Variants in PAQR7 observed in about 807,000 individuals in gnomAD.
The protein encoded by PAQR7 is membrane progestin receptor alpha.
In PAQR7, 14 loss-of-function variants were observed where a neutral mutation model predicts 24.6. The ratio of observed to expected loss-of-function variants is 0.57; its 90% confidence interval spans 0.38 to 0.89. The LOEUF (loss-of-function observed/expected upper bound fraction) is 0.89. Among genes scored for constraint, PAQR7 ranks in the 40% least tolerant of loss-of-function variants. PAQR7 has a pLI of 0.00. For synonymous variants in PAQR7, 189 were observed against 198.8 expected, an observed-to-expected ratio of 0.95 and a Z score of 0.42; for missense variants, 351 against 444.0, an observed-to-expected ratio of 0.79 and a Z score of 1.88.
At chr1:25,865,939 T>C (rs1433638652) in intron 2 of PAQR7, among the ~76,000 whole-genome samples, 2 of 148,656 alleles carry the variant, frequency 1.3e-5, no homozygotes, top group Non-Finnish European at 3.0e-5. Context: ...TGAGCCGAGA[T>C]CGCACCATTG....
chr1:25,868,159 A>G (rs1269906049), intron 2 of PAQR7, among the ~76,000 whole-genome samples: 1 of 152,224 alleles, frequency 6.6e-6, no homozygotes, highest in Non-Finnish European at 1.5e-5. Flanking sequence ...GGGGACCAGA[A>G]AAGACCTCTG....
intron 2 of PAQR7, among the ~76,000 whole-genome samples, chr1:25,864,352 C>T (rs1210012845): frequency 1.3e-5 from 2 of 152,076 alleles, no homozygotes; most frequent in African/African-American, 4.8e-5. Flanking sequence ...TGGCCAGGGT[C>T]CCCTACTGAC....
At position 25,863,774 on chromosome 1, in the gene PAQR7, C is replaced by T. The variant is rs758760017; in HGVS notation, c.66G>A (p.Gln22=). ...PSLRQVIQEP[Q]LSLQPEPVFT... ...AGACAGGCTCTGGCTGCAGAGATAG[C>T]TGAGGCTCCTGGATGACCTGCCGCA... Residue 22 remains glutamine, a synonymous_variant, in exon 3 of 3, where the codon CAG becomes CAA. Coordinates refer to ENST00000675840, the MANE Select transcript of PAQR7 (RefSeq NM_178422.6). The surrounding 1 kb of genome is among the most constrained non-coding windows in gnomAD (Gnocchi z 6.1). 7 of 1,613,594 alleles carry T rather than the reference C, an allele frequency of 4.3e-6. No individual in the cohort carries two copies. The South Asian group carries it at 5.5e-5, about 13-fold the overall frequency.
chr1:25,864,595 C>G (rs2048541539), intron 2 of PAQR7, among the ~76,000 whole-genome samples: 1 of 152,226 alleles, frequency 6.6e-6, no homozygotes, highest in South Asian at 2.1e-4. Flanking sequence ...TGCGGCCTCA[C>G]TCCTGTAATC....
At chr1:25,870,308 G>T (rs1013166109) in intron 2 of PAQR7, among the ~76,000 whole-genome samples, 1 of 152,188 alleles carries the variant, frequency 6.6e-6, no homozygotes, top group Non-Finnish European at 1.5e-5. Context: ...AAGCCTGGGG[G>T]CTGGTGACCT....
chr1:25,867,763 C>T (rs1235026456), intron 2 of PAQR7, among the ~76,000 whole-genome samples: 3 of 152,248 alleles, frequency 2.0e-5, no homozygotes, highest in African/African-American at 7.2e-5. Context: ...CCCACAAGCC[C>T]ACATCTCCAG....
In PAQR7 at chr1:25,862,340, A is replaced by T. The variant is rs1285243423; in HGVS notation, c.*459T>A. The T allele has an allele frequency of 5.9e-6, 1 of 170,844 alleles. No individual in the cohort carries two copies. Among genetic ancestry groups the T allele is most frequent in the African/African-American group, 2.4e-5 (1 of 41,638 alleles). The allele number at this position is 170,844 out of a possible 1,614,324, so 10.6% of individuals were successfully genotyped here. A position where few individuals can be genotyped will look rare whatever the true frequency, so the allele number is the denominator to read the frequency against. On this transcript the variant is annotated 3_prime_UTR_variant, in exon 3 of 3. Coordinates refer to ENST00000675840, the MANE Select transcript of PAQR7 (RefSeq NM_178422.6). ...TGGCTGGGCTTCAAGGGACAGTAAG[A>T]TCCTGTATATATTTTGGGCCTACCC...
At position 25,875,708 on chromosome 1, in the gene PAQR7, C is replaced by T. The variant is rs1252151384; in HGVS notation, c.-329G>A. Among the ~76,000 whole-genome samples, 1 of 152,046 alleles carries T rather than the reference C, an allele frequency of 6.6e-6. No homozygotes were observed. Among genetic ancestry groups the T allele is most frequent in the Non-Finnish European group, 1.5e-5 (1 of 67,976 alleles). Reference sequence around the variant, plus strand: ...CCCCGCCAGGCCCACGTGTTGCACGCGCGGGAGAGGGGTCGGCCGCGCAGA... The same window carrying T: ...CCCCGCCAGGCCCACGTGTTGCACGTGCGGGAGAGGGGTCGGCCGCGCAGA... On this transcript the variant is annotated 5_prime_UTR_variant, in exon 1 of 3. Coordinates refer to ENST00000675840, the MANE Select transcript of PAQR7 (RefSeq NM_178422.6). The surrounding 1 kb of genome is among the most constrained non-coding windows in gnomAD (Gnocchi z 5.4).
In PAQR7 at chr1:25,864,532, C is replaced by A. The variant is rs149266126; in HGVS notation, c.-22-671G>T. Among the ~76,000 whole-genome samples, 381 of 152,308 alleles carry A rather than the reference C, an allele frequency of 2.5e-3. 5 individuals are homozygous for A. The highest frequency in any genetic ancestry group is 8.5e-3 in the African/African-American group (354 of 41,566). The stretch of plus-strand genomic sequence containing the variant: ...TGCCTGAGACATTTTCCTCATCTTG[C>A]CTACTAGGCAAACCCCTATTCATTC... On this transcript the variant is annotated intron_variant, in intron 2 of 2. Transcript: ENST00000675840.
chr1:25,872,236 TG>T (rs2048611855), intron 1 of PAQR7, among the ~76,000 whole-genome samples: 1 of 152,214 alleles, frequency 6.6e-6, no homozygotes, highest in African/African-American at 2.4e-5. Context: ...CTGCCGTTTC[TG>T]TGGGATTCTC....
At chr1:25,872,685 A>G (rs2048615554) in intron 1 of PAQR7, among the ~76,000 whole-genome samples, 1 of 151,798 alleles carries the variant, frequency 6.6e-6, no homozygotes, top group Admixed American at 6.6e-5. Context: ...ATTTTTTTAA[A>G]TTATGTGTAG....
At chr1:25,873,626 G>A (rs534638538) in intron 1 of PAQR7, among the ~76,000 whole-genome samples, 2 of 152,072 alleles carry the variant, frequency 1.3e-5, no homozygotes, top group East Asian at 3.9e-4. Context: ...TCCCCAGGTT[G>A]AAGTGCAGTG....
chr1:25,868,596 G>A (rs1258071810), intron 2 of PAQR7, among the ~76,000 whole-genome samples: 2 of 151,510 alleles, frequency 1.3e-5, no homozygotes, highest in Non-Finnish European at 2.9e-5. Flanking sequence ...TGTAGTCCCA[G>A]CTACTTGGGA....
chr1:25,869,046 G>C (rs756142487), intron 2 of PAQR7, among the ~76,000 whole-genome samples: 1 of 152,072 alleles, frequency 6.6e-6, no homozygotes, highest in Non-Finnish European at 1.5e-5. Context: ...AGAAGGCCTT[G>C]AACCCGGGAG....
In PAQR7 at chr1:25,875,494, C is replaced by T. The variant is rs993038867; in HGVS notation, c.-115G>A. Among the ~76,000 whole-genome samples the T allele has an allele frequency of 6.6e-6, 1 of 152,116 alleles. No homozygotes were observed. The highest frequency in any genetic ancestry group is 2.4e-5 in the African/African-American group (1 of 41,424). On this transcript the variant is annotated 5_prime_UTR_variant, in exon 1 of 3. Coordinates refer to ENST00000675840, the MANE Select transcript of PAQR7 (RefSeq NM_178422.6). The surrounding 1 kb of genome is among the most constrained non-coding windows in gnomAD (Gnocchi z 5.4). ...CGTCTTGGCAGCCCCGTACCTGAGCCGGAGCCGAGCTGGGAGGGCCGCGGG... is the reference window on the plus strand; with the variant it reads ...CGTCTTGGCAGCCCCGTACCTGAGCTGGAGCCGAGCTGGGAGGGCCGCGGG...
intron 2 of PAQR7, among the ~76,000 whole-genome samples, chr1:25,868,384 G>A (rs768610147): frequency 6.6e-6 from 1 of 152,086 alleles, no homozygotes; most frequent in Non-Finnish European, 1.5e-5. Context: ...TCCCACTCTT[G>A]GAACTTCCCA....
chr1:25,865,126 G>A (rs1444357457), intron 2 of PAQR7, among the ~76,000 whole-genome samples: 5 of 146,446 alleles, frequency 3.4e-5, no homozygotes, highest in African/African-American at 1.3e-4. Flanking sequence ...CAGCCTGGGT[G>A]ACAGCGAGAC....
At chr1:25,869,568 T>TA (rs60600055) in intron 2 of PAQR7, among the ~76,000 whole-genome samples, 40 of 130,462 alleles carry the variant, frequency 3.1e-4, no homozygotes, top group East Asian at 2.2e-3. Flanking sequence ...TGAGACTCTC[T>TA]AAAAAAAAAA....
intron 2 of PAQR7, among the ~76,000 whole-genome samples, chr1:25,869,238 C>CT (rs1419947865): frequency 6.6e-6 from 1 of 152,014 alleles, no homozygotes; most frequent in Non-Finnish European, 1.5e-5. Flanking sequence ...AAGTACTATT[C>CT]TGCCCATTTT....
Sources: gnomAD v4.1 joint callset for allele counts (sites outside exome capture counted in the v4.1 genomes callset) on GRCh38, gnomAD v4.1.1 for gene constraint, Gnocchi (gnomAD v3.1) non-coding constraint, MANE v1.5 for transcripts, NCBI Gene and HGNC (gene_info 2026-07-23, HGNC 2026-07-21) for gene names.